The following DNM1L variants were observed in gnomAD, a reference collection of about 807,000 sequenced individuals.
DNM1L encodes dynamin-1-like protein.
A neutral mutation model predicts 92.8 loss-of-function variants in DNM1L; 33 were observed. That is an observed-to-expected ratio of 0.36 (90% CI 0.27 to 0.48). The LOEUF is 0.48. DNM1L is among the 20% of genes least tolerant of loss of function. The pLI, the probability that DNM1L is intolerant of heterozygous loss-of-function variation, is 0.99. For synonymous variants in DNM1L, 284 were observed against 305.0 expected (o/e 0.93, Z 0.72); for missense variants, 485 against 888.8 (o/e 0.55, Z 5.78).
At position 32,732,072 on chromosome 12, in the gene DNM1L, A is replaced by G. The variant is rs576694804; in HGVS notation, c.1446+129A>G. Reference sequence around the variant, plus strand: ...GCATAATGTTTTCCAGTGTATTGGGAGGAAAAACAAGTTGAGTTTCAGTCT... The same window carrying G: ...GCATAATGTTTTCCAGTGTATTGGGGGGAAAAACAAGTTGAGTTTCAGTCT... On this transcript the variant is annotated intron_variant, in intron 12 of 19. Transcript: ENST00000549701. 210 of 693,582 alleles carry G rather than the reference A, an allele frequency of 3.0e-4. No individual in the cohort carries two copies. The African/African-American group carries it at 3.3e-3, about 11-fold the overall frequency. The allele number at this position is 693,582 out of a possible 1,614,324, so 43.0% of individuals were successfully genotyped here.
Position 32,743,561 on chromosome 12 carries a change from A to G in DNM1L, c.*151A>G. 2 of 696,844 alleles carry G rather than the reference A, an allele frequency of 2.9e-6. No homozygotes were observed. Among genetic ancestry groups the G allele is most frequent in the South Asian group, 1.7e-5 (1 of 57,704 alleles). 43.2% of individuals were successfully genotyped at this position (696,844 alleles called of 1,614,324 possible). On this transcript the variant is annotated 3_prime_UTR_variant, in exon 20 of 20. Coordinates refer to ENST00000549701, the MANE Select transcript of DNM1L (RefSeq NM_012062.5). Reference sequence around the variant, plus strand: ...CTATAAACTGAAAAGTGTATTCCAAATTGCAGAACACATCACACATTTAAT... The same window carrying G: ...CTATAAACTGAAAAGTGTATTCCAAGTTGCAGAACACATCACACATTTAAT...
chr12:32,709,609 T>A (rs1953048831), intron 4 of DNM1L: 1 of 152,196 alleles, frequency 6.6e-6, no homozygotes. Flanking sequence ...CCAAATCACG[T>A]ATGTAATGAA....
At chr12:32,720,842 T>C (rs377060281) in intron 8 of DNM1L, 47 bp downstream of exon 8, 143 of 1,608,558 alleles carry the variant, frequency 8.9e-5, no homozygotes, top group Non-Finnish European at 1.1e-4. Flanking sequence ...TTTTTACCAA[T>C]TGGTGTCTGA....
rs1238306332 is a variant in DNM1L at position 32,717,312 on chromosome 12, TTA to T, written c.620-1324_620-1323del. Among the ~76,000 whole-genome samples the T allele has an allele frequency of 8.9e-4, 73 of 82,254 alleles. 1 individual carries two copies. Among genetic ancestry groups the T allele is most frequent in the East Asian group, 4.9e-3 (18 of 3,676 alleles). 54.0% of individuals were successfully genotyped at this position (82,254 alleles called of 152,430 possible). A position where few individuals can be genotyped will look rare whatever the true frequency, so the allele number is the denominator to read the frequency against. On this transcript the variant is annotated intron_variant, in intron 6 of 19. Coordinates refer to ENST00000549701, the MANE Select transcript of DNM1L (RefSeq NM_012062.5). ...CTATATATTTTATATATACTATATA[TTA>T]TATATACACTATATATTTTATATAT...
intron 14 of DNM1L, 196 bp downstream of exon 14, chr12:32,737,357 CAT>C: frequency 1.8e-6 from 1 of 556,870 alleles, no homozygotes; most frequent in South Asian, 2.5e-5. Context: ...AATTCACTGA[CAT>C]AAATGCTTAA....
In DNM1L at chr12:32,743,650, G is replaced by C. The variant is rs1158769790; in HGVS notation, c.*240G>C. ...ATATAAAATACATCAAGTCTGTCTT[G>C]TGACAGTTTCATCTGAACTTAACTT... On this transcript the variant is annotated 3_prime_UTR_variant, in exon 20 of 20. Transcript: ENST00000549701. The C allele has an allele frequency of 2.0e-6, 1 of 512,124 alleles. No homozygotes were observed. Among genetic ancestry groups the C allele is most frequent in the Non-Finnish European group, 3.5e-6 (1 of 287,570 alleles). 31.7% of individuals were successfully genotyped at this position (512,124 alleles called of 1,614,324 possible). A position where few individuals can be genotyped will look rare whatever the true frequency, so the allele number is the denominator to read the frequency against.
At chr12:32,719,410 GA>G (rs1256278586) in intron 7 of DNM1L, among the ~76,000 whole-genome samples, 1 of 152,218 alleles carries the variant, frequency 6.6e-6, no homozygotes, top group East Asian at 1.9e-4. Context: ...ACCCAATCGA[GA>G]AAGAGTTTAA....
At chr12:32,716,535 T>A (rs1953375259) in intron 6 of DNM1L, among the ~76,000 whole-genome samples, 1 of 151,936 alleles carries the variant, frequency 6.6e-6, no homozygotes, top group African/African-American at 2.4e-5. Flanking sequence ...CCCAGACTGG[T>A]CTCGAACTCC....
At chr12:32,712,665 AAAAAAAAAAAAAAG>A (rs1953181262) in intron 5 of DNM1L, among the ~76,000 whole-genome samples, 4 of 150,400 alleles carry the variant, frequency 2.7e-5, no homozygotes, top group African/African-American at 4.9e-5. Context: ...AAAAAAAAAA[AAAAAAAAAAAAAAG>A]AAAAAAATCA....
At position 32,742,687 on chromosome 12, in the gene DNM1L, A is replaced by T; in HGVS notation, c.2093A>T (p.Asp698Val). Residue 698 changes from aspartate (D) to valine (V), a missense_variant, in exon 19 of 20, where the codon GAT becomes GTT. This residue lies in a region of DNM1L where 133 missense variants were observed against 210.9 expected (regional missense o/e 0.63). Coordinates refer to ENST00000549701, the MANE Select transcript of DNM1L (RefSeq NM_012062.5). ...CTGTATAAATCATCCTTATTGGATG[A>T]TCTTCTGACAGAATCTGAGGACATG... The part of the protein sequence containing the change: ...GQLYKSSLLD[D>V]LLTESEDMAQ... The T allele has an allele frequency of 6.2e-7, 1 of 1,614,092 alleles. No homozygotes were observed.
At chr12:32,679,880 C>T in intron 1 of DNM1L, 2 of 990,644 alleles carry the variant, frequency 2.0e-6, no homozygotes, top group Non-Finnish European at 1.2e-6. Context: ...TGGCTGTTCC[C>T]ATCACTGTTG....
At chr12:32,738,072 A>AAT in intron 15 of DNM1L, 130 bp downstream of exon 15, 2 of 1,100,172 alleles carry the variant, frequency 1.8e-6, no homozygotes, top group Non-Finnish European at 2.6e-6. Context: ...ACTTTAGTCT[A>AAT]ATATATATTT....
chr12:32,717,305 CTA>C (rs1289253348), intron 6 of DNM1L, among the ~76,000 whole-genome samples: 2 of 85,392 alleles, frequency 2.3e-5, no homozygotes, highest in Non-Finnish European at 4.2e-5. Flanking sequence ...TTTATATATA[CTA>C]TATATTATAT....
chr12:32,702,233 CAAAAAAAAA>C (rs1179046487), intron 2 of DNM1L, among the ~76,000 whole-genome samples: 2 of 81,340 alleles, frequency 2.5e-5, no homozygotes, highest in Admixed American at 1.4e-4. Context: ...GACTCCGTCT[CAAAAAAAAA>C]AAAAAAAAAA....
At chr12:32,685,347 T>A (rs1330943364) in intron 1 of DNM1L, among the ~76,000 whole-genome samples, 1 of 148,758 alleles carries the variant, frequency 6.7e-6, no homozygotes, top group African/African-American at 2.5e-5. Flanking sequence ...GTGTTTTCCA[T>A]AGTGGCTGCA....
chr12:32,685,566 T>C (rs968556109), intron 1 of DNM1L, among the ~76,000 whole-genome samples: 1 of 151,694 alleles, frequency 6.6e-6, no homozygotes, highest in African/African-American at 2.4e-5. Flanking sequence ...TTTCCTTATA[T>C]TGGTCAGGCT....
intron 1 of DNM1L, among the ~76,000 whole-genome samples, chr12:32,688,174 C>A (rs1255454641): frequency 6.6e-6 from 1 of 152,156 alleles, no homozygotes; most frequent in Non-Finnish European, 1.5e-5. Context: ...ATCTGCCCAC[C>A]TTGGCCTCCC....
chr12:32,716,420 G>C (rs2137393659), intron 6 of DNM1L, among the ~76,000 whole-genome samples: 1 of 152,148 alleles, frequency 6.6e-6, no homozygotes, highest in South Asian at 2.1e-4. Context: ...CTGCAGCCTT[G>C]ACCTGGGCTC....
chr12:32,695,398 C>T (rs1422416072), intron 1 of DNM1L, among the ~76,000 whole-genome samples: 3 of 152,052 alleles, frequency 2.0e-5, no homozygotes, highest in Non-Finnish European at 1.5e-5. Flanking sequence ...AGACAGAAGA[C>T]ACTACAATGA....
Sources: allele counts gnomAD v4.1 joint callset (sites outside exome capture counted in the v4.1 genomes callset), GRCh38; gene constraint gnomAD v4.1.1; regional missense constraint gnomAD v4.1.1; transcripts MANE v1.5; gene names NCBI Gene and HGNC (gene_info 2026-07-23, HGNC 2026-07-21).